Variants in KLF12 observed in about 807,000 individuals in gnomAD.
KLF12 encodes the protein Krueppel-like factor 12.
KLF12 carries 9 observed loss-of-function variants against 37.8 expected under a neutral mutation model. The ratio of observed to expected loss-of-function variants is 0.24; its 90% CI spans 0.14 to 0.42. KLF12 has a LOEUF of 0.42. Among genes scored for constraint, KLF12 ranks in the 10% least tolerant of loss-of-function variants. KLF12 has a pLI of 1.00. For synonymous variants in KLF12, 208 were observed against 202.1 expected, an observed-to-expected ratio of 1.03 and a Z score of -0.25; for missense variants, 411 against 516.0, an observed-to-expected ratio of 0.80 and a Z score of 1.97.
chr13:74,287,558 T>C, the KLF12 span, among the ~76,000 whole-genome samples: 7 of 152,236 alleles, frequency 4.6e-5, no homozygotes, highest in African/African-American at 1.4e-4. Flanking sequence ...TTATCTTACA[T>C]AGAGTTTAAT....
chr13:74,292,170 G>C, the KLF12 span, among the ~76,000 whole-genome samples: 1 of 152,162 alleles, frequency 6.6e-6, no homozygotes, highest in Non-Finnish European at 1.5e-5. Flanking sequence ...TACCAACAAA[G>C]TGCATGTGAA....
chr13:74,192,983 T>C, the KLF12 span, among the ~76,000 whole-genome samples: 1 of 150,564 alleles, frequency 6.6e-6, no homozygotes, highest in Admixed American at 6.6e-5. Context: ...TTTTCTGTTT[T>C]TTTTTTTTTT....
intron 5 of KLF12, among the ~76,000 whole-genome samples, chr13:73,785,389 C>T (rs1032392939): frequency 6.6e-6 from 1 of 152,158 alleles, no homozygotes; most frequent in African/African-American, 2.4e-5. Flanking sequence ...GCTGGGATTA[C>T]AGGAATGGGC....
At chr13:74,253,588 G>C in the KLF12 span, among the ~76,000 whole-genome samples, 3 of 152,118 alleles carry the variant, frequency 2.0e-5, no homozygotes, top group Admixed American at 2.0e-4. Context: ...TAATTCTGAT[G>C]TTGAATGCTC....
chr13:73,921,180 T>C (rs182722377), intron 3 of KLF12, among the ~76,000 whole-genome samples: 1 of 152,326 alleles, frequency 6.6e-6, no homozygotes, highest in Admixed American at 6.5e-5. Context: ...GAAGAGGGTA[T>C]TTAAACTTCA....
chr13:73,686,320 A>G lies in KLF12; in HGVS notation c.*9170T>C, dbSNP rs1380266873. On this transcript the variant is annotated 3_prime_UTR_variant, in exon 8 of 8. Coordinates refer to ENST00000377669, the MANE Select transcript of KLF12 (RefSeq NM_007249.5). ...GACTGGAATAATCATCCTCTGAGAG[A>G]ATCTCATTAGGAGGGTCTCCCTTTA... 1 of 152,636 alleles carries G rather than the reference A, an allele frequency of 6.6e-6. No individual in the cohort carries two copies. The highest frequency in any genetic ancestry group is 1.5e-5 in the Non-Finnish European group (1 of 68,044). The allele number at this position is 152,636 out of a possible 1,614,324, so 9.5% of individuals were successfully genotyped here. A position where few individuals can be genotyped will look rare whatever the true frequency, so the allele number is the denominator to read the frequency against.
chr13:73,778,133 C>CAAAAA (rs781127764), intron 5 of KLF12, among the ~76,000 whole-genome samples: 1 of 96,088 alleles, frequency 1.0e-5, no homozygotes, highest in Admixed American at 9.6e-5. Flanking sequence ...AAACTCTGTC[C>CAAAAA]AAAAAAAAAA....
chr13:73,830,235 T>G (rs1363546115), intron 4 of KLF12, among the ~76,000 whole-genome samples: 1 of 152,188 alleles, frequency 6.6e-6, no homozygotes, highest in Admixed American at 6.5e-5. Flanking sequence ...GGTAATGATC[T>G]ACTATAACCA....
At chr13:73,888,153 T>C (rs1011042597) in intron 3 of KLF12, among the ~76,000 whole-genome samples, 7 of 152,016 alleles carry the variant, frequency 4.6e-5, no homozygotes, top group South Asian at 4.1e-4. Flanking sequence ...CAGACGTCAG[T>C]CACCAAGCCT....
intron 3 of KLF12, among the ~76,000 whole-genome samples, chr13:73,935,081 G>C (rs924257441): frequency 2.0e-5 from 3 of 152,012 alleles, no homozygotes; most frequent in Admixed American, 6.6e-5. Context: ...CCGGGCTCAA[G>C]TGAGTCTCCT....
the KLF12 span, among the ~76,000 whole-genome samples, chr13:74,300,715 A>G: frequency 6.6e-6 from 1 of 152,182 alleles, no homozygotes. Flanking sequence ...TCTGTTTGCC[A>G]TCTGATAGTA....
chr13:74,006,739 C>A, intron 1 of KLF12, among the ~76,000 whole-genome samples: 1 of 152,158 alleles, frequency 6.6e-6, no homozygotes, highest in East Asian at 1.9e-4. Flanking sequence ...TCAATGTTAA[C>A]ACCCTTTTCT....
chr13:73,923,222 TG>T (rs1489863075), intron 3 of KLF12, among the ~76,000 whole-genome samples: 6 of 152,170 alleles, frequency 3.9e-5, no homozygotes, highest in Non-Finnish European at 7.4e-5. Context: ...AAAGATAGAG[TG>T]AGTACATTTC....
chr13:74,055,348 ATGTT>A (rs915685136), intron 1 of KLF12, among the ~76,000 whole-genome samples: 1 of 152,182 alleles, frequency 6.6e-6, no homozygotes, highest in African/African-American at 2.4e-5. Context: ...AAGAAAAAAA[ATGTT>A]TGTACTGATG....
At chr13:73,940,230 C>T (rs1375681060) in intron 3 of KLF12, among the ~76,000 whole-genome samples, 1 of 152,172 alleles carries the variant, frequency 6.6e-6, no homozygotes, top group African/African-American at 2.4e-5. Flanking sequence ...GACGCACGCA[C>T]CAAAGTCACA....
intron 3 of KLF12, among the ~76,000 whole-genome samples, chr13:73,890,270 AC>A (rs1887440727): frequency 6.6e-6 from 1 of 152,118 alleles, no homozygotes; most frequent in African/African-American, 2.4e-5. Flanking sequence ...AAAAATTATT[AC>A]CAAAAATACC....
chr13:74,156,929 G>A, the KLF12 span, among the ~76,000 whole-genome samples: 6 of 152,108 alleles, frequency 3.9e-5, no homozygotes, highest in Non-Finnish European at 7.4e-5. Context: ...GTGCTGCAAC[G>A]AACATAGGAG....
intron 3 of KLF12, among the ~76,000 whole-genome samples, chr13:73,894,954 T>C (rs1326855516): frequency 6.6e-6 from 1 of 152,256 alleles, no homozygotes; most frequent in Non-Finnish European, 1.5e-5. Flanking sequence ...TGATTCCTTC[T>C]TCTATCTCTG....
At chr13:74,090,641 G>A (rs891403785) in intron 1 of KLF12, among the ~76,000 whole-genome samples, 2 of 152,072 alleles carry the variant, frequency 1.3e-5, no homozygotes, top group Non-Finnish European at 2.9e-5. Flanking sequence ...TGCCATCCAT[G>A]TATCCTCTTT....
Sources: allele counts gnomAD v4.1 joint callset (sites outside exome capture counted in the v4.1 genomes callset), GRCh38; gene constraint gnomAD v4.1.1; transcripts MANE v1.5; gene names NCBI Gene and HGNC (gene_info 2026-07-23, HGNC 2026-07-21).